BCL6B: variants seen among roughly 807,000 people sequenced by gnomAD.
The protein encoded by BCL6B is BCL6B transcription repressor.
BCL6B carries 28 observed loss-of-function variants against 44.6 expected under a neutral mutation model. The ratio of observed to expected loss-of-function variants is 0.63; its 90% CI spans 0.47 to 0.86. The LOEUF is 0.86. BCL6B is among the 40% of genes least tolerant of loss of function. BCL6B has a pLI of 0.00. For synonymous variants in BCL6B, 268 were observed against 263.6 expected, an observed-to-expected ratio of 1.02 and a Z score of -0.16; for missense variants, 626 against 652.3, an observed-to-expected ratio of 0.96 and a Z score of 0.44.
chr17:7,026,046 C>T (rs1034712435), intron 5 of BCL6B, among the ~76,000 whole-genome samples: 6 of 152,190 alleles, frequency 3.9e-5, no homozygotes, highest in African/African-American at 7.2e-5. Context: ...CTCAGCTTCC[C>T]GAGTAGCTGG....
intron 1 of BCL6B, 27 bp from the exon 2 acceptor site, chr17:7,023,633 C>T (rs757081050): frequency 6.3e-7 from 1 of 1,585,318 alleles, no homozygotes; most frequent in Non-Finnish European, 8.6e-7. Flanking sequence ...CTGCCTGGAT[C>T]CAGAGCACTT....
Position 7,024,624 on chromosome 17 carries a change from G to A in BCL6B, c.625G>A (p.Ala209Thr), listed in dbSNP as rs566626699. The A allele has an allele frequency of 5.6e-6, 9 of 1,614,170 alleles. No homozygotes were observed. The South Asian group carries it at 9.9e-5, about 18-fold the overall frequency. ...CGTGCTAAACTCTCAGGCCTCCCAA[G>A]CAGGGAGCCTGGTCGGGGAGAGAAG... The part of the protein sequence containing the change: ...YIVLNSQASQ[A>T]GSLVGERSSG... The change falls in exon 4 of 9, where the codon GCA (alanine) becomes ACA (threonine). Residue 209 changes from alanine to threonine, a missense_variant. Transcript: ENST00000293805. The surrounding 1 kb of genome is among the most constrained non-coding windows in gnomAD (Gnocchi z 6.6).
chr17:7,026,311 G>T, intron 5 of BCL6B, 146 bp from the exon 6 acceptor site: 2 of 981,748 alleles, frequency 2.0e-6, no homozygotes, highest in South Asian at 1.6e-5. Flanking sequence ...CTTCTTACTT[G>T]GCCTTGAGCA....
intron 1 of BCL6B, 170 bp from the exon 2 acceptor site, chr17:7,023,490 G>T: frequency 1.6e-6 from 1 of 639,830 alleles, no homozygotes; most frequent in East Asian, 2.9e-5. Flanking sequence ...GGGAGCGAGG[G>T]TGTCGTAGAG....
At position 7,026,847 on chromosome 17, in the gene BCL6B, G is replaced by A; in HGVS notation, c.1185+12G>A. Reference sequence around the variant, plus strand: ...CGCGCTTTGTACAGGTACGGAGCCAGCCTCCAAGTGGCTTCCAAGGCAAAC... The same window carrying A: ...CGCGCTTTGTACAGGTACGGAGCCAACCTCCAAGTGGCTTCCAAGGCAAAC... On this transcript the variant is annotated intron_variant, in intron 7 of 8. Transcript: ENST00000293805. 6.2e-7 allele frequency: 1 copy of A among 1,613,260 alleles called. No individual in the cohort carries two copies. The highest frequency in any genetic ancestry group is 8.5e-7 in the Non-Finnish European group (1 of 1,180,006).
At position 7,026,801 on chromosome 17, in the gene BCL6B, A is replaced by AT. The variant is rs1321533592; in HGVS notation, c.1152dup (p.Lys385Ter). On this transcript the variant is annotated frameshift_variant, in exon 7 of 9. Transcript: ENST00000293805. LOFTEE classifies it high-confidence loss of function. ...CGCATCCATTCGGGAGAGAAGCCGT[A>AT]TAAGTGTGAGACGTGCGGCTCGCGC... 6.2e-7 allele frequency: 1 copy of AT among 1,614,030 alleles called. No individual in the cohort carries two copies. The highest frequency in any genetic ancestry group is 8.5e-7 in the Non-Finnish European group (1 of 1,180,046).
chr17:7,026,551 T>C lies in BCL6B; in HGVS notation c.984T>C (p.Tyr328=), dbSNP rs1597341129. The C allele has an allele frequency of 6.2e-7, 1 of 1,614,210 alleles. No individual in the cohort carries two copies. The part of the protein sequence containing the change: ...SLVPGDEDKP[Y]KCQLCRSSFR... ...TTCCTGGGGACGAAGACAAACCCTA[T>C]AAGTGTCAGCTGTGCCGGTCTTCGT... Residue 328 remains tyrosine, a synonymous_variant, in exon 6 of 9, where the codon TAT becomes TAC. Coordinates refer to ENST00000293805, the MANE Select transcript of BCL6B (RefSeq NM_181844.4).
rs781782007 is a variant in BCL6B, at chr17:7,025,168, G to T, written c.857G>T (p.Gly286Val). The T allele has an allele frequency of 6.2e-7, 1 of 1,614,114 alleles. No homozygotes were observed. Among genetic ancestry groups the T allele is most frequent in the African/African-American group, 1.3e-5 (1 of 75,032 alleles). The change falls in exon 5 of 9, where the codon GGA (glycine) becomes GTA (valine). Residue 286 changes from glycine (G) to valine (V), a missense_variant. Gly to Val is a moderately radical substitution (Grantham distance 109). Coordinates refer to ENST00000293805, the MANE Select transcript of BCL6B (RefSeq NM_181844.4). ...LLTSQAQDTS[G>V]SPSERARPLP... ...ACATCCCAGGCTCAAGACACCTCTG[G>T]ATCACCCTCTGAACGGGCTCGTCCA...
Position 7,024,371 on chromosome 17 carries a change from T to C in BCL6B, c.402-30T>C. 6.2e-7 allele frequency: 1 copy of C among 1,612,426 alleles called. No homozygotes were observed. Among genetic ancestry groups the C allele is most frequent in the South Asian group, 1.1e-5 (1 of 91,032 alleles). ...AAGGGCAAAGGCAGAGTTTAGGAAA[T>C]GGCACTAACGTTCATCACACTTTCC... is the stretch of plus-strand genomic sequence containing the variant. On this transcript the variant is annotated intron_variant, in intron 3 of 8. Transcript: ENST00000293805. The surrounding 1 kb of genome is among the most constrained non-coding windows in gnomAD (Gnocchi z 6.6).
At position 7,027,599 on chromosome 17, in the gene BCL6B, C is replaced by A. The variant is rs750072220; in HGVS notation, c.1420C>A (p.His474Asn). 1.2e-5 allele frequency: 19 copies of A among 1,613,492 alleles called. No individual in the cohort carries two copies. The African/African-American group carries it at 2.4e-4, about 20-fold the overall frequency. ...GAATNTKVHY[H>N]ILGGP Reference sequence around the variant, plus strand: ...TGCTACCAACACCAAAGTGCACTACCACATTCTCGGGGGGCCCTAGCTGAG... The same window carrying A: ...TGCTACCAACACCAAAGTGCACTACAACATTCTCGGGGGGCCCTAGCTGAG... The change falls in exon 9 of 9, where the codon CAC becomes AAC. Residue 474 changes from histidine to asparagine, a missense_variant. Transcript: ENST00000293805.
chr17:7,026,707 G>C lies in BCL6B; in HGVS notation c.1057G>C (p.Glu353Gln). The C allele has an allele frequency of 6.2e-7, 1 of 1,614,246 alleles. No individual in the cohort carries two copies. The highest frequency in any genetic ancestry group is 8.5e-7 in the Non-Finnish European group (1 of 1,180,046). The change falls in exon 7 of 9, where the codon GAA (glutamate) becomes CAA (glutamine). Residue 353 changes from glutamate (E) to glutamine (Q), a missense_variant and splice_region_variant. Physicochemically the swap from Glu to Gln is conservative, Grantham distance 29. Transcript: ENST00000293805. Reference sequence around the variant, plus strand: ...TCTCCCATGTTCTCTGCCTCCAGGGGAAAAGCCTTACCACTGCTCAATCTG... The same window carrying C: ...TCTCCCATGTTCTCTGCCTCCAGGGCAAAAGCCTTACCACTGCTCAATCTG... ...LASHRTVHTG[E>Q]KPYHCSICGA...
At position 7,024,693 on chromosome 17, in the gene BCL6B, G is replaced by A. The variant is rs369624236; in HGVS notation, c.694G>A (p.Glu232Lys). 21 of 1,585,996 alleles carry A rather than the reference G, an allele frequency of 1.3e-5. No homozygotes were observed. The highest frequency in any genetic ancestry group is 1.7e-4 in the Middle Eastern group (1 of 6,006). The change falls in exon 4 of 9, where the codon GAG (glutamate) becomes AAG (lysine). Residue 232 changes from glutamate (E) to lysine (K), a missense_variant. Glu to Lys is a moderately conservative substitution (Grantham distance 56). Transcript: ENST00000293805. The surrounding 1 kb of genome is among the most constrained non-coding windows in gnomAD (Gnocchi z 6.6). ...CPQARLPSGD[E>K]ASSSSSSSSS... ...CCAAGCCAGGCTCCCCAGTGGAGAC[G>A]AGGCCTCCAGCAGCAGCAGCAGCAG...
chr17:7,023,909 G>T (rs559453382), intron 2 of BCL6B, 59 bp downstream of exon 2: 1 of 1,577,310 alleles, frequency 6.3e-7, no homozygotes, highest in South Asian at 1.1e-5. Context: ...CCACAGGGCC[G>T]TTGAGAGGGA....
At chr17:7,025,962 G>T (rs1453775108) in intron 5 of BCL6B, among the ~76,000 whole-genome samples, 1 of 151,904 alleles carries the variant, frequency 6.6e-6, no homozygotes, top group Admixed American at 6.6e-5. Flanking sequence ...TCACTCTGTG[G>T]CCAGGCTGAA....
intron 5 of BCL6B, 119 bp from the exon 6 acceptor site, chr17:7,026,338 G>A: frequency 2.2e-6 from 3 of 1,345,902 alleles, no homozygotes; most frequent in South Asian, 1.4e-5. Flanking sequence ...ACCAGCCCCA[G>A]AAGTCTTAAC....
chr17:7,026,936 C>A lies in BCL6B; in HGVS notation c.1186-14C>A, dbSNP rs200881376. On this transcript the variant is annotated splice_polypyrimidine_tract_variant and intron_variant, in intron 7 of 8. Transcript: ENST00000293805. ...TCCTCCCAGAGGCAGGACTTGAAGT[C>A]TCCTCCCTCCCAGGTGGCACATCTG... 6.2e-7 allele frequency: 1 copy of A among 1,611,826 alleles called. No individual in the cohort carries two copies. The highest frequency in any genetic ancestry group is 8.5e-7 in the Non-Finnish European group (1 of 1,179,842).
rs999137120 is a variant in BCL6B at position 7,025,213 on chromosome 17, C to G, written c.889+13C>G. The G allele has an allele frequency of 6.2e-7, 1 of 1,613,246 alleles. No individual in the cohort carries two copies. The highest frequency in any genetic ancestry group is 8.5e-7 in the Non-Finnish European group (1 of 1,179,728). On this transcript the variant is annotated intron_variant, in intron 5 of 8. Transcript: ENST00000293805. ...CGTCCACTACCGGGTAAGAGCCCCT[C>G]TTTCTTGGCTTTTCTCCCGTGACTG...
chr17:7,024,491 C>T lies in BCL6B; in HGVS notation c.492C>T (p.Ser164=), dbSNP rs533439940. 2.5e-6 allele frequency: 4 copies of T among 1,613,906 alleles called. No homozygotes were observed. The highest frequency in any genetic ancestry group is 2.2e-5 in the East Asian group (1 of 44,876). Residue 164 remains serine, a synonymous_variant, in exon 4 of 9, where the codon TCC becomes TCT. Transcript: ENST00000293805. This position sits in a 1 kb window ranked among gnomAD's most constrained non-coding sequence, Gnocchi z 6.6. ...CTCCACCAGGTAGTCCCAGGCGCTC[C>T]GAAGGACACCCAGACCCACCTACTG... ...TAPPPGSPRR[S]EGHPDPPTES... is the part of the protein sequence containing the mutation.
rs1910357225 is a variant in BCL6B, at chr17:7,028,296, T to C, written c.*677T>C. On this transcript the variant is annotated 3_prime_UTR_variant, in exon 9 of 9. Coordinates refer to ENST00000293805, the MANE Select transcript of BCL6B (RefSeq NM_181844.4). ...TCTGGGAACATGCGGGATTGTGGAATTGGGTCAGGAACCCTCTCTGGTATT... is the reference window on the plus strand; with the variant it reads ...TCTGGGAACATGCGGGATTGTGGAACTGGGTCAGGAACCCTCTCTGGTATT... The C allele has an allele frequency of 4.1e-6, 4 of 985,406 alleles. No homozygotes were observed. The highest frequency in any genetic ancestry group is 3.5e-5 in the African/African-American group (2 of 57,236). The allele number at this position is 985,406 out of a possible 1,614,324, so 61.0% of individuals were successfully genotyped here.
Sources: gnomAD v4.1 joint callset for allele counts (sites outside exome capture counted in the v4.1 genomes callset) on GRCh38, gnomAD v4.1.1 for gene constraint, Gnocchi (gnomAD v3.1) non-coding constraint, MANE v1.5 for transcripts, NCBI Gene and HGNC (gene_info 2026-07-23, HGNC 2026-07-21) for gene names.